ZBED3: variants seen among roughly 807,000 people sequenced by gnomAD.
ZBED3 encodes the protein zinc finger BED-type containing 3, also known as zinc finger BED domain-containing protein 3.
For synonymous variants in ZBED3, 175 were observed against 180.0 expected (o/e 0.97, Z 0.22); for missense variants, 388 against 362.9 (o/e 1.07, Z -0.56).
chr5:77,083,437 A>C (rs1032466069), intron 1 of ZBED3, among the ~76,000 whole-genome samples: 1 of 152,194 alleles, frequency 6.6e-6, no homozygotes, highest in Non-Finnish European at 1.5e-5. Context: ...GCATTAAGTG[A>C]AGTGAACCTG....
intron 1 of ZBED3, among the ~76,000 whole-genome samples, chr5:77,084,070 T>A (rs1011487461): frequency 1.3e-5 from 2 of 152,218 alleles, no homozygotes; most frequent in Non-Finnish European, 2.9e-5. Flanking sequence ...ATTCACTCCA[T>A]CCAACTCTCA....
intron 1 of ZBED3, among the ~76,000 whole-genome samples, chr5:77,080,917 A>T (rs1743116053): frequency 6.6e-6 from 1 of 152,256 alleles, no homozygotes; most frequent in South Asian, 2.1e-4. Flanking sequence ...CATGTACCCT[A>T]GAACTTAAAG....
chr5:77,077,841 G>C lies in ZBED3; in HGVS notation c.38C>G (p.Ala13Gly). 6 of 1,292,460 alleles carry C rather than the reference G, an allele frequency of 4.6e-6. No homozygotes were observed. Among genetic ancestry groups the C allele is most frequent in the Non-Finnish European group, 5.8e-6 (6 of 1,025,846 alleles). The allele number at this position is 1,292,460 out of a possible 1,614,324, so 80.1% of individuals were successfully genotyped here. The change falls in exon 3 of 3, where the codon GCC becomes GGC. Residue 13 changes from alanine (A) to glycine (G), a missense_variant. Physicochemically the swap from Ala to Gly is moderately conservative, Grantham distance 60. Coordinates refer to ENST00000255198, the MANE Select transcript of ZBED3 (RefSeq NM_032367.4). Reference sequence around the variant, plus strand: ...CGCCGCCGCGTCGTCCAGCCCGCGGGCCTGGTCCATGGTGCAGGCCGGCTC... The same window carrying C: ...CGCCGCCGCGTCGTCCAGCCCGCGGCCCTGGTCCATGGTGCAGGCCGGCTC... The part of the protein sequence containing the change: ...SGEPACTMDQ[A>G]RGLDDAAARG...
rs890342601 is a variant in ZBED3, at chr5:77,075,136, A to C, written c.*2038T>G. On this transcript the variant is annotated 3_prime_UTR_variant, in exon 3 of 3. Transcript: ENST00000255198. ...AACACTCGGCCTGGAGATATTCAGG[A>C]GTCCCTGGCCCAGAGGAGATTACAA... 2 of 152,186 alleles carry C rather than the reference A, an allele frequency of 1.3e-5. No individual in the cohort carries two copies. The highest frequency in any genetic ancestry group is 4.8e-5 in the African/African-American group (2 of 41,426). The allele number at this position is 152,186 out of a possible 1,614,324, so 9.4% of individuals were successfully genotyped here.
At chr5:77,080,277 T>C (rs1743101900) in intron 1 of ZBED3, among the ~76,000 whole-genome samples, 1 of 152,166 alleles carries the variant, frequency 6.6e-6, no homozygotes, top group Non-Finnish European at 1.5e-5. Flanking sequence ...CCTCTCTGGG[T>C]TTCCTTAAAA....
rs1366171998 is a variant in ZBED3, at chr5:77,075,057, G to A, written c.*2117C>T. The A allele has an allele frequency of 6.6e-6, 1 of 152,230 alleles. No homozygotes were observed. The highest frequency in any genetic ancestry group is 1.5e-5 in the Non-Finnish European group (1 of 68,062). 9.4% of individuals were successfully genotyped at this position (152,230 alleles called of 1,614,324 possible). The stretch of plus-strand genomic sequence containing the variant: ...ATAGAGGCAGGATGTGCAAGGAGGG[G>A]TGGAGACATGCAGCAAGGGATTGGG... On this transcript the variant is annotated 3_prime_UTR_variant, in exon 3 of 3. Coordinates refer to ENST00000255198, the MANE Select transcript of ZBED3 (RefSeq NM_032367.4).
chr5:77,077,788 G>GC lies in ZBED3; in HGVS notation c.90dup (p.Pro31AlafsTer173). 2.3e-6 allele frequency: 3 copies of GC among 1,316,018 alleles called. No homozygotes were observed. Among genetic ancestry groups the GC allele is most frequent in the Non-Finnish European group, 2.9e-6 (3 of 1,037,342 alleles). The allele number at this position is 1,316,018 out of a possible 1,614,324, so 81.5% of individuals were successfully genotyped here. On this transcript the variant is annotated frameshift_variant, in exon 3 of 3. Coordinates refer to ENST00000255198, the MANE Select transcript of ZBED3 (RefSeq NM_032367.4). LOFTEE classifies it low-confidence loss of function (END_TRUNC). ...CCGGGAGGCGTCGGCGTCGGCGCCG[G>GC]CCCCAGTCCCGGACACTGACCGCCC...
At chr5:77,084,068 C>G (rs893076424) in intron 1 of ZBED3, among the ~76,000 whole-genome samples, 1 of 152,202 alleles carries the variant, frequency 6.6e-6, no homozygotes, top group Non-Finnish European at 1.5e-5. Flanking sequence ...CCATTCACTC[C>G]ATCCAACTCT....
At position 77,076,021 on chromosome 5, in the gene ZBED3, G is replaced by A. The variant is rs10942809; in HGVS notation, c.*1153C>T. 3.3e-3 allele frequency: 129 copies of A among 39,416 alleles called. 23 individuals are homozygous for A. The highest frequency in any genetic ancestry group is 3.5e-3 in the Non-Finnish European group (62 of 17,738). The allele number at this position is 39,416 out of a possible 1,614,324, so 2.4% of individuals were successfully genotyped here. Reference sequence around the variant, plus strand: ...TATATGTATATATATATGTATATATGTATATATATATGTATATATGTATAT... The same window carrying A: ...TATATGTATATATATATGTATATATATATATATATATGTATATATGTATAT... On this transcript the variant is annotated 3_prime_UTR_variant, in exon 3 of 3. Coordinates refer to ENST00000255198, the MANE Select transcript of ZBED3 (RefSeq NM_032367.4).
In ZBED3 at chr5:77,075,935, T is replaced by TTTTTTATATATATA. The variant is rs1554047999; in HGVS notation, c.*1238_*1239insTATATATATAAAAA. ...GACATGCACCCTAGAACTTAAAGTATTATATATACATATATATATATATAT... is the reference window on the plus strand; with the variant it reads ...GACATGCACCCTAGAACTTAAAGTATTTTTTATATATATATATATATACATATATATATATATAT... On this transcript the variant is annotated 3_prime_UTR_variant, in exon 3 of 3. Coordinates refer to ENST00000255198, the MANE Select transcript of ZBED3 (RefSeq NM_032367.4). 1 of 21,168 alleles carries TTTTTTATATATATA rather than the reference T, an allele frequency of 4.7e-5. No individual in the cohort carries two copies. The highest frequency in any genetic ancestry group is 1.3e-4 in the African/African-American group (1 of 7,458). The allele number at this position is 21,168 out of a possible 1,614,324, so 1.3% of individuals were successfully genotyped here.
chr5:77,080,056 C>T (rs192297290), intron 1 of ZBED3, among the ~76,000 whole-genome samples: 46 of 152,148 alleles, frequency 3.0e-4, no homozygotes, highest in African/African-American at 9.9e-4. Context: ...TGAATCTTTA[C>T]GACTAATTTA....
chr5:77,086,785 CTG>C (rs1217077903), intron 1 of ZBED3: 2 of 152,256 alleles, frequency 1.3e-5, no homozygotes, highest in Non-Finnish European at 2.9e-5. Flanking sequence ...AGTGAAAAGA[CTG>C]TAATCAGACA....
rs941482036 is a variant in ZBED3 at position 77,075,102 on chromosome 5, C to A, written c.*2072G>T. The A allele has an allele frequency of 1.3e-5, 2 of 152,086 alleles. No individual in the cohort carries two copies. Among genetic ancestry groups the A allele is most frequent in the African/African-American group, 4.8e-5 (2 of 41,378 alleles). The allele number at this position is 152,086 out of a possible 1,614,324, so 9.4% of individuals were successfully genotyped here. On this transcript the variant is annotated 3_prime_UTR_variant, in exon 3 of 3. Coordinates refer to ENST00000255198, the MANE Select transcript of ZBED3 (RefSeq NM_032367.4). ...ATTGGGCATGAAGGTTTTCTCCAGGCCCGGGGAGAACACTCGGCCTGGAGA... is the reference window on the plus strand; with the variant it reads ...ATTGGGCATGAAGGTTTTCTCCAGGACCGGGGAGAACACTCGGCCTGGAGA...
Position 77,074,201 on chromosome 5 carries a change from CAG to C in ZBED3, c.*2971_*2972del, listed in dbSNP as rs886261686. 1 of 152,216 alleles carries C rather than the reference CAG, an allele frequency of 6.6e-6. No homozygotes were observed. Among genetic ancestry groups the C allele is most frequent in the African/African-American group, 2.4e-5 (1 of 41,398 alleles). The allele number at this position is 152,216 out of a possible 1,614,324, so 9.4% of individuals were successfully genotyped here. Reference sequence around the variant, plus strand: ...AGAGGGGGACTTGAATGTCAGGTGACAGAGTCAAAGCTTGCACTCAAGTAGGT... The same window carrying C: ...AGAGGGGGACTTGAATGTCAGGTGACAGTCAAAGCTTGCACTCAAGTAGGT... On this transcript the variant is annotated 3_prime_UTR_variant, in exon 3 of 3. Coordinates refer to ENST00000255198, the MANE Select transcript of ZBED3 (RefSeq NM_032367.4).
At chr5:77,083,414 C>A (rs966688511) in intron 1 of ZBED3, among the ~76,000 whole-genome samples, 19 of 152,342 alleles carry the variant, frequency 1.2e-4, no homozygotes, top group African/African-American at 4.6e-4. Context: ...AGGGTAGACA[C>A]TTGGGGGATG....
intron 1 of ZBED3, among the ~76,000 whole-genome samples, chr5:77,080,809 A>G (rs1025793584): frequency 6.6e-5 from 10 of 152,212 alleles, no homozygotes; most frequent in African/African-American, 2.2e-4. Context: ...TGGGAGGGAT[A>G]GCATTAGGAG....
rs1213660149 is a variant in ZBED3, at chr5:77,075,987, ATATATG to A, written c.*1181_*1186del. On this transcript the variant is annotated 3_prime_UTR_variant, in exon 3 of 3. Coordinates refer to ENST00000255198, the MANE Select transcript of ZBED3 (RefSeq NM_032367.4). Reference sequence around the variant, plus strand: ...TATATGTATATGTATATATGTATATATATATGTATATATGTATATATATATGTATAT... The same window carrying A: ...TATATGTATATGTATATATGTATATATATATATGTATATATATATGTATAT... 548 of 34,688 alleles carry A rather than the reference ATATATG, an allele frequency of 0.016. 138 individuals are homozygous for A. The highest frequency in any genetic ancestry group is 0.025 in the Non-Finnish European group (460 of 18,082). 2.1% of individuals were successfully genotyped at this position (34,688 alleles called of 1,614,324 possible). A position where few individuals can be genotyped will look rare whatever the true frequency, so the allele number is the denominator to read the frequency against.
chr5:77,086,312 T>C (rs1281286966), intron 1 of ZBED3, among the ~76,000 whole-genome samples: 7 of 152,284 alleles, frequency 4.6e-5, no homozygotes, highest in Admixed American at 6.5e-5. Flanking sequence ...CTTTTTATAA[T>C]ACGTATTGCT....
At position 77,075,354 on chromosome 5, in the gene ZBED3, T is replaced by C. The variant is rs1742954384; in HGVS notation, c.*1820A>G. On this transcript the variant is annotated 3_prime_UTR_variant, in exon 3 of 3. Transcript: ENST00000255198. ...AACCAAAAGAATGTATGAACCTTGA[T>C]GGGACCTGGTTGTTGTCGTTGTTTT... 1 of 152,230 alleles carries C rather than the reference T, an allele frequency of 6.6e-6. No individual in the cohort carries two copies. Among genetic ancestry groups the C allele is most frequent in the African/African-American group, 2.4e-5 (1 of 41,458 alleles). 9.4% of individuals were successfully genotyped at this position (152,230 alleles called of 1,614,324 possible).
Sources: allele counts gnomAD v4.1 joint callset (sites outside exome capture counted in the v4.1 genomes callset), GRCh38; gene constraint gnomAD v4.1.1; transcripts MANE v1.5; gene names NCBI Gene and HGNC (gene_info 2026-07-23, HGNC 2026-07-21).